Variants in TTLL7 observed in about 807,000 individuals in gnomAD.
The protein encoded by TTLL7 is tubulin polyglutamylase TTLL7.
TTLL7 carries 53 observed loss-of-function variants against 120.2 expected under a neutral mutation model. The ratio of observed to expected loss-of-function variants is 0.44; its 90% confidence interval spans 0.35 to 0.55. TTLL7 has a LOEUF of 0.55. TTLL7 is among the 20% of genes least tolerant of loss of function. The pLI, the probability that TTLL7 is intolerant of heterozygous loss-of-function variation, is 0.00. For synonymous variants in TTLL7, 353 were observed against 351.7 expected, an observed-to-expected ratio of 1.00 and a Z score of -0.04; for missense variants, 803 against 1,054.7, an observed-to-expected ratio of 0.76 and a Z score of 3.31.
chr1:83,998,512 G>A (rs1409669564), intron 1 of TTLL7, among the ~76,000 whole-genome samples: 1 of 152,202 alleles, frequency 6.6e-6, no homozygotes, highest in Non-Finnish European at 1.5e-5. Flanking sequence ...GTGCGAAAAG[G>A]GCATTTTGAT....
intron 1 of TTLL7, among the ~76,000 whole-genome samples, chr1:83,956,169 C>T (rs1158757527): frequency 1.3e-5 from 2 of 151,866 alleles, no homozygotes; most frequent in Non-Finnish European, 2.9e-5. Context: ...CATAGCTCAC[C>T]GTAATCTTGA....
At chr1:83,910,248 A>G (rs1410575018) in intron 15 of TTLL7, among the ~76,000 whole-genome samples, 1 of 152,138 alleles carries the variant, frequency 6.6e-6, no homozygotes, top group Admixed American at 6.5e-5. Flanking sequence ...GGAAGTTAAC[A>G]TATTAAATAC....
chr1:83,971,434 A>T (rs1361203924), intron 1 of TTLL7, among the ~76,000 whole-genome samples: 1 of 152,112 alleles, frequency 6.6e-6, no homozygotes, highest in African/African-American at 2.4e-5. Context: ...CAGCAAGTAC[A>T]CTATAGTTGA....
chr1:83,963,068 T>C (rs1340248749), intron 1 of TTLL7, among the ~76,000 whole-genome samples: 1 of 152,160 alleles, frequency 6.6e-6, no homozygotes, highest in Non-Finnish European at 1.5e-5. Flanking sequence ...TGCTTTTACC[T>C]ATTTTCTTGT....
intron 10 of TTLL7, among the ~76,000 whole-genome samples, chr1:83,925,566 T>C (rs1659040108): frequency 6.6e-6 from 1 of 152,136 alleles, no homozygotes; most frequent in Non-Finnish European, 1.5e-5. Context: ...GGAGAGGAGA[T>C]GGAGAAATAA....
intron 3 of TTLL7, among the ~76,000 whole-genome samples, chr1:83,951,244 G>A (rs753783318): frequency 6.6e-6 from 1 of 151,810 alleles, no homozygotes; most frequent in Non-Finnish European, 1.5e-5. Flanking sequence ...AGCTACTCGC[G>A]AAACTGAGGC....
intron 17 of TTLL7, among the ~76,000 whole-genome samples, 200 bp downstream of exon 17, chr1:83,906,129 T>C (rs1657180183): frequency 2.6e-5 from 4 of 152,132 alleles, no homozygotes; most frequent in Admixed American, 2.6e-4. Context: ...TACTGCTGAT[T>C]ATAATCTGAT....
At chr1:83,988,716 C>CT (rs35501212) in intron 1 of TTLL7, among the ~76,000 whole-genome samples, 34 of 145,720 alleles carry the variant, frequency 2.3e-4, no homozygotes, top group South Asian at 1.1e-3. Flanking sequence ...CTTTGGCCAC[C>CT]TTTTTTTTTT....
intron 20 of TTLL7, among the ~76,000 whole-genome samples, chr1:83,874,312 CATACTGTGGCTGA>C (rs781246775): frequency 2.6e-5 from 4 of 152,006 alleles, no homozygotes; most frequent in Non-Finnish European, 5.9e-5. Context: ...AATTTCAGTC[CATACTGTGGCTGA>C]ATAATATTCT....
chr1:83,919,571 T>A, intron 13 of TTLL7, 128 bp downstream of exon 13: 1 of 858,120 alleles, frequency 1.2e-6, no homozygotes, highest in South Asian at 2.6e-5. Flanking sequence ...ACTGTTAAAA[T>A]AGAAAGCTTG....
chr1:83,881,098 G>C (rs1335184694), intron 20 of TTLL7, among the ~76,000 whole-genome samples: 1 of 150,212 alleles, frequency 6.7e-6, no homozygotes, highest in African/African-American at 2.4e-5. Flanking sequence ...ATTCAAGATG[G>C]ATTAAAGACT....
chr1:83,884,716 A>G (rs1654827764), intron 19 of TTLL7, among the ~76,000 whole-genome samples: 1 of 112,888 alleles, frequency 8.9e-6, no homozygotes, highest in Admixed American at 1.2e-4. Flanking sequence ...CACTCTGGGG[A>G]CTGTTGTGGG....
intron 16 of TTLL7, among the ~76,000 whole-genome samples, 165 bp downstream of exon 16, chr1:83,907,291 C>T (rs1247594421): frequency 7.1e-6 from 1 of 140,036 alleles, no homozygotes; most frequent in Non-Finnish European, 1.6e-5. Flanking sequence ...TTTTAAGAGT[C>T]ATACTAAATT....
At chr1:83,945,464 G>T (rs958150926) in intron 6 of TTLL7, among the ~76,000 whole-genome samples, 6 of 152,110 alleles carry the variant, frequency 3.9e-5, no homozygotes, top group Non-Finnish European at 8.8e-5. Context: ...AATACATGAA[G>T]CAAACACTGG....
At chr1:83,979,150 C>A (rs961683797) in intron 1 of TTLL7, 1 of 152,208 alleles carries the variant, frequency 6.6e-6, no homozygotes, top group Non-Finnish European at 1.5e-5. Context: ...AACGGGAGGC[C>A]AGCCACACAG....
At chr1:83,947,989 G>A (rs545690975) in intron 5 of TTLL7, among the ~76,000 whole-genome samples, 6 of 152,088 alleles carry the variant, frequency 3.9e-5, no homozygotes, top group South Asian at 4.2e-4. Context: ...GTAAAAGACC[G>A]GGGTACTTAT....
At chr1:83,974,277 C>G (rs1651259782) in intron 1 of TTLL7, among the ~76,000 whole-genome samples, 2 of 151,788 alleles carry the variant, frequency 1.3e-5, no homozygotes, top group Admixed American at 1.3e-4. Context: ...TTTTCAGTGC[C>G]ATTATAGAAG....
At chr1:83,997,950 C>A (rs1294627033) in intron 1 of TTLL7, among the ~76,000 whole-genome samples, 1 of 152,160 alleles carries the variant, frequency 6.6e-6, no homozygotes, top group Non-Finnish European at 1.5e-5. Flanking sequence ...TTATTTTTCA[C>A]ATGATTCAAA....
intron 1 of TTLL7, among the ~76,000 whole-genome samples, chr1:83,991,481 A>G (rs1021517257): frequency 5.9e-5 from 9 of 152,040 alleles, no homozygotes; most frequent in African/African-American, 2.2e-4. Flanking sequence ...CCCTGTCTTT[A>G]CGAAAAATAT....
Sources: allele counts gnomAD v4.1 joint callset (sites outside exome capture counted in the v4.1 genomes callset), GRCh38; gene constraint gnomAD v4.1.1; transcripts MANE v1.5; gene names NCBI Gene and HGNC (gene_info 2026-07-23, HGNC 2026-07-21).